Variants in CDK12 observed in about 807,000 individuals in gnomAD.
CDK12 encodes the protein cyclin dependent kinase 12.
Under a neutral mutation model 133.8 loss-of-function variants are expected in CDK12, and 17 were observed. The observed-to-expected ratio is 0.13, with a 90% confidence interval of 0.09 to 0.19. CDK12 has a LOEUF of 0.19. Among genes scored for constraint, CDK12 ranks in the 10% least tolerant of loss-of-function variants. The probability of loss-of-function intolerance (pLI) is 1.00; values close to 1 mark genes in which losing one functional copy is unlikely to be tolerated. For synonymous variants in CDK12, 694 were observed against 683.6 expected (o/e 1.02, Z -0.24); for missense variants, 1,508 against 1,818.7 (o/e 0.83, Z 3.11).
At chr17:39,553,795 A>C (rs2056048163) in intron 2 of CDK12, among the ~76,000 whole-genome samples, 1 of 152,188 alleles carries the variant, frequency 6.6e-6, no homozygotes, top group Non-Finnish European at 1.5e-5. Context: ...CTGGTGACTC[A>C]TAGCAGTGGA....
intron 12 of CDK12, 37 bp downstream of exon 12, chr17:39,524,922 G>T: frequency 6.4e-7 from 1 of 1,554,244 alleles, no homozygotes; most frequent in Admixed American, 1.9e-5. Context: ...CTTTTGCTAA[G>T]CGTATTTGGC....
chr17:39,538,345 G>T (rs1465322785), downstream of CDK12, among the ~76,000 whole-genome samples: 1 of 152,176 alleles, frequency 6.6e-6, no homozygotes, highest in Non-Finnish European at 1.5e-5. Context: ...GTGCATAGAA[G>T]AACAAACGAG....
At chr17:39,498,108 C>T (rs1333968056) in intron 5 of CDK12, among the ~76,000 whole-genome samples, 1 of 151,668 alleles carries the variant, frequency 6.6e-6, no homozygotes, top group African/African-American at 2.4e-5. Flanking sequence ...TTCAAGGGAT[C>T]CCCCTGACTC....
At chr17:39,545,897 G>A (rs557243548), upstream of CDK12, among the ~76,000 whole-genome samples, 80 of 148,534 alleles carry the variant, frequency 5.4e-4, 1 homozygote, top group Non-Finnish European at 7.9e-4. Context: ...CCGGGTTCAC[G>A]CCATTCTCCT....
At chr17:39,502,895 A>G (rs1250418274) in intron 6 of CDK12, among the ~76,000 whole-genome samples, 1 of 152,168 alleles carries the variant, frequency 6.6e-6, no homozygotes, top group Non-Finnish European at 1.5e-5. Flanking sequence ...CATAATGGCC[A>G]AGAGATGAAG....
At chr17:39,480,260 T>G (rs1459008232) in intron 2 of CDK12, among the ~76,000 whole-genome samples, 4 of 148,262 alleles carry the variant, frequency 2.7e-5, no homozygotes, top group Non-Finnish European at 6.0e-5. Context: ...AGAATGAAAC[T>G]TTACTTTTTT....
chr17:39,552,488 T>C (rs1230988758), intron 2 of CDK12, among the ~76,000 whole-genome samples: 1 of 152,206 alleles, frequency 6.6e-6, no homozygotes, highest in East Asian at 1.9e-4. Context: ...AGCTGCTGTT[T>C]CTACTCTGGA....
At chr17:39,481,538 G>C (rs1282497834) in intron 2 of CDK12, among the ~76,000 whole-genome samples, 1 of 151,548 alleles carries the variant, frequency 6.6e-6, no homozygotes, top group East Asian at 1.9e-4. Flanking sequence ...TCGAACTCCT[G>C]AGCTCAAGCA....
chr17:39,511,426 C>T, intron 7 of CDK12, 103 bp from the exon 8 acceptor site: 2 of 708,800 alleles, frequency 2.8e-6, no homozygotes. Context: ...GTTTTTCAGT[C>T]TCATCTTCAT....
chr17:39,526,633 CTGTGTG>C (rs1326851941), intron 13 of CDK12, among the ~76,000 whole-genome samples: 1 of 152,178 alleles, frequency 6.6e-6, no homozygotes, highest in Non-Finnish European at 1.5e-5. Flanking sequence ...ACATCTTGAA[CTGTGTG>C]TGGTGGCCAA....
At chr17:39,547,428 G>A (rs1329063986), upstream of CDK12, among the ~76,000 whole-genome samples, 7 of 152,140 alleles carry the variant, frequency 4.6e-5, no homozygotes, top group Admixed American at 2.0e-4. Context: ...GAGCCACTGC[G>A]CCTGGCCTAC....
At chr17:39,530,491 A>T in intron 13 of CDK12, 113 bp from the exon 14 acceptor site, 1 of 1,416,906 alleles carries the variant, frequency 7.1e-7, no homozygotes, top group South Asian at 1.6e-5. Context: ...TTTATTCTTT[A>T]TATATCTGGT....
intron 2 of CDK12, among the ~76,000 whole-genome samples, chr17:39,553,868 A>G (rs948353080): frequency 9.9e-5 from 15 of 152,118 alleles, no homozygotes; most frequent in East Asian, 1.9e-4. Flanking sequence ...CTTTTGCCCC[A>G]TATCTCCCCA....
intron 11 of CDK12, among the ~76,000 whole-genome samples, chr17:39,522,891 A>C (rs1405201008): frequency 6.6e-6 from 1 of 151,794 alleles, no homozygotes; most frequent in Non-Finnish European, 1.5e-5. Context: ...GTCTCTCCTA[A>C]AAATACAAAA....
At position 39,526,018 on chromosome 17, in the gene CDK12, C is replaced by T; in HGVS notation, c.3462C>T (p.Asn1154=). The T allele has an allele frequency of 6.2e-7, 1 of 1,614,214 alleles. No individual in the cohort carries two copies. Among genetic ancestry groups the T allele is most frequent in the South Asian group, 1.1e-5 (1 of 91,090 alleles). Residue 1154 remains asparagine (N), a synonymous_variant, in exon 13 of 14, where the codon AAC becomes AAT. Coordinates refer to ENST00000447079, the MANE Select transcript of CDK12 (RefSeq NM_016507.4). ...PEMQQQLEAL[N]QSISALTEAT... ...TGCAGCAGCAGCTGGAAGCCCTGAA[C>T]CAATCCATCAGTGCCCTGACGGAAG...
intron 1 of CDK12, among the ~76,000 whole-genome samples, chr17:39,468,251 T>C (rs1176610917): frequency 1.3e-5 from 2 of 152,184 alleles, no homozygotes; most frequent in Middle Eastern, 6.3e-3. Flanking sequence ...CAAGAAGCAG[T>C]ATAGGTAAAA....
At chr17:39,538,613 G>A (rs117988901), downstream of CDK12, among the ~76,000 whole-genome samples, 442 of 152,192 alleles carry the variant, frequency 2.9e-3, 2 homozygotes, top group Middle Eastern at 0.061. Flanking sequence ...GGCAAACCCC[G>A]GCTACCTGGG....
downstream of CDK12, among the ~76,000 whole-genome samples, chr17:39,539,374 T>G (rs747103282): frequency 2.6e-5 from 4 of 152,252 alleles, no homozygotes; most frequent in Non-Finnish European, 4.4e-5. Context: ...TTTTTTGTTT[T>G]GTTTTGTAAC....
intron 7 of CDK12, 50 bp downstream of exon 7, chr17:39,509,811 TG>T (rs753139208): frequency 5.6e-6 from 8 of 1,431,994 alleles, no homozygotes; most frequent in Middle Eastern, 1.8e-4. Context: ...TGTTTTGTTT[TG>T]TTTTTTTGAG....
Sources: gnomAD v4.1 joint callset for allele counts (sites outside exome capture counted in the v4.1 genomes callset) on GRCh38, gnomAD v4.1.1 for gene constraint, MANE v1.5 for transcripts, NCBI Gene and HGNC (gene_info 2026-07-23, HGNC 2026-07-21) for gene names.